The following RBPJ variants were observed in gnomAD, a reference collection of about 807,000 sequenced individuals.
The protein encoded by RBPJ is recombination signal binding protein for immunoglobulin kappa J region, also known as recombining binding protein suppressor of hairless.
Under a neutral mutation model 67.8 loss-of-function variants are expected in RBPJ, and 9 were observed. That is an observed-to-expected ratio of 0.13 (90% CI 0.08 to 0.23). The LOEUF (loss-of-function observed/expected upper bound fraction) is 0.23, where lower values mean the gene tolerates loss of function less well. RBPJ is among the 10% of genes least tolerant of loss of function. The pLI, the probability that RBPJ is intolerant of heterozygous loss-of-function variation, is 1.00. For missense variants in RBPJ, 305 were observed against 595.6 expected (o/e 0.51, Z 5.08); for synonymous variants, 198 against 203.3 (o/e 0.97, Z 0.22).
intron 1 of RBPJ, among the ~76,000 whole-genome samples, chr4:26,189,274 T>C (rs991486804): frequency 1.3e-5 from 2 of 152,154 alleles, no homozygotes; most frequent in African/African-American, 4.8e-5. Flanking sequence ...ACTTTTCTAT[T>C]TAATAAAGTT....
At chr4:26,276,012 C>G (rs1341589356) in intron 1 of RBPJ, among the ~76,000 whole-genome samples, 3 of 151,560 alleles carry the variant, frequency 2.0e-5, no homozygotes, top group East Asian at 3.9e-4. Flanking sequence ...TGGTGGCTCA[C>G]GCCTGTAATC....
At chr4:26,235,221 A>G (rs1719418212) in intron 1 of RBPJ, among the ~76,000 whole-genome samples, 1 of 152,256 alleles carries the variant, frequency 6.6e-6, no homozygotes, top group African/African-American at 2.4e-5. Flanking sequence ...GGCAATGTTA[A>G]TGAGAAAAAG....
At chr4:26,351,274 A>T (rs1726770888) in intron 1 of RBPJ, among the ~76,000 whole-genome samples, 1 of 152,188 alleles carries the variant, frequency 6.6e-6, no homozygotes, top group Non-Finnish European at 1.5e-5. Flanking sequence ...TTGAGATAGT[A>T]AAAGGGAATT....
At chr4:26,198,852 TA>T (rs1258629182) in intron 1 of RBPJ, among the ~76,000 whole-genome samples, 1 of 152,172 alleles carries the variant, frequency 6.6e-6, no homozygotes, top group Admixed American at 6.5e-5. Context: ...CACTTTTTGC[TA>T]AGTCTCACAG....
In RBPJ at chr4:26,430,573, A is replaced by T; in HGVS notation, c.1148+51A>T. The T allele has an allele frequency of 6.5e-7, 1 of 1,528,194 alleles. No individual in the cohort carries two copies. The highest frequency in any genetic ancestry group is 8.9e-7 in the Non-Finnish European group (1 of 1,118,848). 94.7% of individuals were successfully genotyped at this position (1,528,194 alleles called of 1,614,324 possible). On this transcript the variant is annotated intron_variant, in intron 10 of 10. Coordinates refer to ENST00000355476, the MANE Select transcript of RBPJ (RefSeq NM_015874.6). This position sits in a 1 kb window ranked among gnomAD's most constrained non-coding sequence, Gnocchi z 4.1. ...TCCAGAGGTTGTGAGGGGTGTGGGTACAGGAGATTCTTTCCTGGCACTGAT... is the reference window on the plus strand; with the variant it reads ...TCCAGAGGTTGTGAGGGGTGTGGGTTCAGGAGATTCTTTCCTGGCACTGAT...
At chr4:26,308,102 C>G (rs1237248199) in intron 1 of RBPJ, among the ~76,000 whole-genome samples, 2 of 152,118 alleles carry the variant, frequency 1.3e-5, no homozygotes. Context: ...TGGTGAAACC[C>G]CGTCTCTACT....
chr4:26,152,958 A>G, the RBPJ span, among the ~76,000 whole-genome samples: 91 of 151,590 alleles, frequency 6.0e-4, 2 homozygotes, highest in African/African-American at 2.2e-3. Flanking sequence ...AATGCTTGGG[A>G]TCCAAAGTGT....
chr4:26,215,354 AGAAGGAAG>A (rs1221636023), intron 1 of RBPJ, among the ~76,000 whole-genome samples: 1 of 76,714 alleles, frequency 1.3e-5, no homozygotes, highest in African/African-American at 5.5e-5. Context: ...AAAGAAAAAA[AGAAGGAAG>A]GAAGGAAGGA....
intron 1 of RBPJ, among the ~76,000 whole-genome samples, chr4:26,327,730 A>G (rs940778802): frequency 1.3e-5 from 2 of 152,034 alleles, no homozygotes; most frequent in Non-Finnish European, 2.9e-5. Flanking sequence ...CTGTAATCCC[A>G]GCACTTTGGG....
intron 1 of RBPJ, among the ~76,000 whole-genome samples, chr4:26,218,755 A>G (rs1718804511): frequency 6.6e-6 from 1 of 151,756 alleles, no homozygotes; most frequent in Non-Finnish European, 1.5e-5. Flanking sequence ...AACCCTCATC[A>G]TGGCAGGAAA....
At chr4:26,377,995 CG>C (rs1399260906) in intron 1 of RBPJ, among the ~76,000 whole-genome samples, 1 of 151,862 alleles carries the variant, frequency 6.6e-6, no homozygotes, top group Non-Finnish European at 1.5e-5. Context: ...GTATACACTG[CG>C]GAAGGGGAGA....
chr4:26,422,239 G>T (rs1735216678), intron 5 of RBPJ, among the ~76,000 whole-genome samples: 2 of 150,920 alleles, frequency 1.3e-5, no homozygotes, highest in African/African-American at 4.9e-5. Context: ...TGTTGAGATT[G>T]ATTATAGTAG....
At chr4:26,184,705 T>C (rs955863781) in intron 1 of RBPJ, among the ~76,000 whole-genome samples, 3 of 152,088 alleles carry the variant, frequency 2.0e-5, no homozygotes, top group South Asian at 2.1e-4. Flanking sequence ...AAGTCCGGGA[T>C]GTGGGGACTG....
At chr4:26,343,129 C>T (rs1725717778) in intron 1 of RBPJ, 1 of 152,184 alleles carries the variant, frequency 6.6e-6, no homozygotes, top group South Asian at 2.1e-4. Context: ...GCCACACTTG[C>T]AATGAATTCT....
At chr4:26,263,632 C>T (rs1359228306) in intron 1 of RBPJ, among the ~76,000 whole-genome samples, 2 of 151,772 alleles carry the variant, frequency 1.3e-5, no homozygotes, top group African/African-American at 4.8e-5. Context: ...AATGCAACGG[C>T]CCGATCTCTG....
chr4:26,117,955 A>G, the RBPJ span, among the ~76,000 whole-genome samples: 1 of 152,024 alleles, frequency 6.6e-6, no homozygotes, highest in Non-Finnish European at 1.5e-5. Context: ...GGATATATAC[A>G]TATTTGTGTA....
rs74808045 is a variant in RBPJ, at chr4:26,246,908, C to T, written c.-167+83294C>T. Among the ~76,000 whole-genome samples, 695 of 151,140 alleles carry T rather than the reference C, an allele frequency of 4.6e-3. 4 individuals carry two copies. The highest frequency in any genetic ancestry group is 0.016 in the African/African-American group (659 of 41,164). The stretch of plus-strand genomic sequence containing the variant: ...AGGTGTGCCTTATTTATAAGCTTCT[C>T]ATTCATAGAAGAGTAGTTTCTAGAA... On this transcript the variant is annotated intron_variant, in intron 1 of 4. Coordinates refer to the RBPJ transcript ENST00000512351.
chr4:26,137,620 T>C, the RBPJ span, among the ~76,000 whole-genome samples: 9 of 152,212 alleles, frequency 5.9e-5, no homozygotes, highest in Non-Finnish European at 8.8e-5. Context: ...ACATGGAATA[T>C]AATGCCTGGC....
upstream of RBPJ, among the ~76,000 whole-genome samples, chr4:26,315,167 A>AAAAATATATATATAT (rs1325689348): frequency 2.7e-5 from 2 of 74,760 alleles, no homozygotes; most frequent in African/African-American, 1.3e-4. Flanking sequence ...AAAAAAAAAA[A>AAAAATATATATATAT]ATATATATAT....
Sources: gnomAD v4.1 joint callset for allele counts (sites outside exome capture counted in the v4.1 genomes callset) on GRCh38, gnomAD v4.1.1 for gene constraint, Gnocchi (gnomAD v3.1) non-coding constraint, MANE v1.5 for transcripts, NCBI Gene and HGNC (gene_info 2026-07-23, HGNC 2026-07-21) for gene names.